The following IL1RAPL1 variants were observed in gnomAD, a reference collection of about 807,000 sequenced individuals.
IL1RAPL1 encodes the protein interleukin 1 receptor accessory protein like 1.
IL1RAPL1 carries 3 observed loss-of-function variants against 48.4 expected under a neutral mutation model. That is an observed-to-expected ratio of 0.06 (90% CI 0.03 to 0.16). The LOEUF (loss-of-function observed/expected upper bound fraction) is 0.16. IL1RAPL1 is among the 10% of genes least tolerant of loss of function. IL1RAPL1 has a pLI of 1.00. For missense variants in IL1RAPL1, 349 were observed against 530.6 expected (o/e 0.66, Z 3.36); for synonymous variants, 185 against 187.7 (o/e 0.99, Z 0.12).
At chrX:29,575,802 C>T (rs183545067) in intron 5 of IL1RAPL1, among the ~76,000 whole-genome samples, 40 of 111,869 alleles carry the variant, frequency 3.6e-4, no homozygotes, top group Admixed American at 2.5e-3. Context: ...GAACAATTTC[C>T]CCATCTCAAT....
At chrX:29,518,513 T>C (rs1182973766) in intron 5 of IL1RAPL1, among the ~76,000 whole-genome samples, 1 of 111,008 alleles carries the variant, frequency 9.0e-6, no homozygotes, top group Admixed American at 9.7e-5. Flanking sequence ...GTGTGCCTTA[T>C]TGAAAAGGTT....
intron 5 of IL1RAPL1, among the ~76,000 whole-genome samples, chrX:29,495,161 C>T (rs1935200310): frequency 8.9e-6 from 1 of 111,999 alleles, no homozygotes; most frequent in African/African-American, 3.2e-5. Context: ...TGCTTTATTG[C>T]TTCCCTTTGT....
At chrX:28,806,238 A>ATG (rs2147273644) in intron 2 of IL1RAPL1, among the ~76,000 whole-genome samples, 1 of 112,146 alleles carries the variant, frequency 8.9e-6, no homozygotes, top group South Asian at 3.7e-4. Context: ...CTGACCATTC[A>ATG]TGGTTATTGT....
intron 6 of IL1RAPL1, among the ~76,000 whole-genome samples, chrX:29,763,450 GAT>G (rs761946277): frequency 1.8e-4 from 20 of 110,877 alleles, no homozygotes; most frequent in Non-Finnish European, 3.4e-4. Flanking sequence ...GGAACAGTCT[GAT>G]GTCCTCAGAA....
chrX:29,494,951 C>G (rs144625864), intron 5 of IL1RAPL1, among the ~76,000 whole-genome samples: 1,402 of 111,716 alleles, frequency 0.013, 16 homozygotes, highest in Middle Eastern at 0.037. Context: ...GTTTTCTAAC[C>G]TGTGAAAATT....
intron 3 of IL1RAPL1, among the ~76,000 whole-genome samples, chrX:29,395,061 T>A (rs1284820293): frequency 1.8e-5 from 2 of 111,847 alleles, no homozygotes; most frequent in Non-Finnish European, 3.8e-5. Context: ...TGTGCATGTG[T>A]ACAGACACAA....
intron 2 of IL1RAPL1, among the ~76,000 whole-genome samples, chrX:29,052,138 A>G (rs66673938): frequency 0.055 from 6,195 of 111,799 alleles, 172 homozygotes; most frequent in African/African-American, 0.094. Flanking sequence ...TTTATGAACT[A>G]TACCAAATCA....
intron 2 of IL1RAPL1, among the ~76,000 whole-genome samples, chrX:28,905,574 T>C (rs974220762): frequency 9.8e-5 from 11 of 111,993 alleles, no homozygotes; most frequent in African/African-American, 3.6e-4. Context: ...CTATGTGGTA[T>C]CTTTCTGAAT....
intron 2 of IL1RAPL1, among the ~76,000 whole-genome samples, chrX:29,141,351 AACTT>A (rs1569245050): frequency 9.0e-6 from 1 of 111,459 alleles, no homozygotes; most frequent in Non-Finnish European, 1.9e-5. Flanking sequence ...ATCTCAATAA[AACTT>A]ACAAACATGA....
chrX:29,834,548 G>A (rs1173039384), intron 6 of IL1RAPL1, among the ~76,000 whole-genome samples: 2 of 100,018 alleles, frequency 2.0e-5, no homozygotes, highest in South Asian at 9.9e-4. Context: ...AAGAGCTAGT[G>A]GGACAAAGTG....
chrX:29,806,520 A>T (rs1930259737), intron 6 of IL1RAPL1, among the ~76,000 whole-genome samples: 1 of 111,049 alleles, frequency 9.0e-6, no homozygotes, highest in Non-Finnish European at 1.9e-5. Context: ...TATAATTTTA[A>T]AGTAATATAG....
At chrX:29,056,438 G>C (rs1927215610) in intron 2 of IL1RAPL1, among the ~76,000 whole-genome samples, 1 of 111,114 alleles carries the variant, frequency 9.0e-6, no homozygotes, top group Non-Finnish European at 1.9e-5. Context: ...ATAATATACT[G>C]GTGCTGATTT....
chrX:29,257,014 C>G (rs1434861338), intron 2 of IL1RAPL1, among the ~76,000 whole-genome samples: 1 of 111,337 alleles, frequency 9.0e-6, no homozygotes, highest in Non-Finnish European at 1.9e-5. Flanking sequence ...CTTACCTCCT[C>G]TCACTACTGC....
At chrX:29,737,529 A>G (rs1208711213) in intron 6 of IL1RAPL1, among the ~76,000 whole-genome samples, 1 of 112,014 alleles carries the variant, frequency 8.9e-6, no homozygotes, top group Non-Finnish European at 1.9e-5. Context: ...AATAGGGTCC[A>G]TGACATATTA....
At chrX:28,774,436 A>G (rs1936340797) in intron 1 of IL1RAPL1, among the ~76,000 whole-genome samples, 1 of 111,380 alleles carries the variant, frequency 9.0e-6, no homozygotes, top group Non-Finnish European at 1.9e-5. Flanking sequence ...ATGGGGCAGC[A>G]GTCATCTCAG....
rs186142232 is a variant in IL1RAPL1, at chrX:28,737,320, G to A, written c.-24-52000G>A. Among the ~76,000 whole-genome samples the A allele has an allele frequency of 5.3e-3, 547 of 104,130 alleles. 4 individuals are homozygous for A. Among genetic ancestry groups the A allele is most frequent in the African/African-American group, 0.017 (483 of 28,151 alleles). 90.4% of individuals were successfully genotyped at this position (104,130 alleles called of 115,157 possible). A position where few individuals can be genotyped will look rare whatever the true frequency, so the allele number is the denominator to read the frequency against. ...TGCACAGGCTGGAGGACAGTGGTGCGATCTCGGCTCACTGCAACCTCTGCC... is the reference window on the plus strand; with the variant it reads ...TGCACAGGCTGGAGGACAGTGGTGCAATCTCGGCTCACTGCAACCTCTGCC... On this transcript the variant is annotated intron_variant, in intron 1 of 10. Transcript: ENST00000378993.
At chrX:29,556,378 G>C (rs1322888479) in intron 5 of IL1RAPL1, among the ~76,000 whole-genome samples, 1 of 111,851 alleles carries the variant, frequency 8.9e-6, no homozygotes. Context: ...GCCAGGCGTA[G>C]TGGCTCACGC....
chrX:28,685,782 T>A (rs1176160576), intron 1 of IL1RAPL1, among the ~76,000 whole-genome samples: 1 of 112,140 alleles, frequency 8.9e-6, no homozygotes, highest in Non-Finnish European at 1.9e-5. Context: ...GCATTCTGAT[T>A]TGCATAATAC....
intron 3 of IL1RAPL1, among the ~76,000 whole-genome samples, chrX:29,290,485 A>C (rs1411722845): frequency 1.8e-5 from 2 of 112,386 alleles, no homozygotes; most frequent in East Asian, 2.8e-4. Flanking sequence ...TGAACAATAC[A>C]TATTTATTTC....
Sources: allele counts gnomAD v4.1 joint callset (sites outside exome capture counted in the v4.1 genomes callset), GRCh38; gene constraint gnomAD v4.1.1; transcripts MANE v1.5; gene names NCBI Gene and HGNC (gene_info 2026-07-23, HGNC 2026-07-21).